The following PRDM5 variants were observed in gnomAD, a reference collection of about 807,000 sequenced individuals.
The protein encoded by PRDM5 is PR/SET domain 5, also known as PR domain zinc finger protein 5.
Under a neutral mutation model 81.2 loss-of-function variants are expected in PRDM5, and 56 were observed. The observed-to-expected ratio is 0.69, with a 90% confidence interval of 0.56 to 0.86. The LOEUF (loss-of-function observed/expected upper bound fraction) is 0.86, where lower values mean the gene tolerates loss of function less well. Ranked by LOEUF, PRDM5 falls within the 40% of genes least tolerant of loss-of-function variation. The pLI, the probability that PRDM5 is intolerant of heterozygous loss-of-function variation, is 0.00. For synonymous variants in PRDM5, 267 were observed against 256.4 expected (o/e 1.04, Z -0.39); for missense variants, 697 against 770.1 (o/e 0.91, Z 1.12).
chr4:120,908,757 A>G (rs969159171), intron 1 of PRDM5, among the ~76,000 whole-genome samples: 1 of 152,212 alleles, frequency 6.6e-6, no homozygotes, highest in African/African-American at 2.4e-5. Context: ...CATAGCAAAG[A>G]AACAGGGAGA....
intron 10 of PRDM5, among the ~76,000 whole-genome samples, chr4:120,794,221 T>C (rs1015808610): frequency 6.6e-6 from 1 of 152,154 alleles, no homozygotes; most frequent in South Asian, 2.1e-4. Flanking sequence ...GCAGCATCAC[T>C]GAAGAGTAAC....
intron 13 of PRDM5, among the ~76,000 whole-genome samples, chr4:120,762,922 G>C (rs1212832295): frequency 3.9e-5 from 6 of 152,124 alleles, no homozygotes; most frequent in Non-Finnish European, 7.4e-5. Flanking sequence ...GAATATTTTA[G>C]AGATCCTCTA....
rs539739466 is a variant in PRDM5 at position 120,798,546 on chromosome 4, A to G, written c.1031-122T>C. The G allele has an allele frequency of 4.6e-5, 37 of 798,214 alleles. 1 individual carries two copies. The African/African-American group carries it at 4.7e-4, about 10-fold the overall frequency. 49.4% of individuals were successfully genotyped at this position (798,214 alleles called of 1,614,324 possible). On this transcript the variant is annotated intron_variant, in intron 9 of 15. Coordinates refer to ENST00000264808, the MANE Select transcript of PRDM5 (RefSeq NM_018699.4). ...AAACTAAAGGATGGTCAAACAACTA[A>G]AAAACATCTACCATCCACATAATAG...
chr4:120,905,768 G>T (rs1765730475), intron 2 of PRDM5, among the ~76,000 whole-genome samples: 1 of 152,004 alleles, frequency 6.6e-6, no homozygotes. Context: ...CTCTATGTGT[G>T]GAAAACTCCA....
chr4:120,838,368 A>G (rs1262292405), intron 3 of PRDM5: 7 of 152,230 alleles, frequency 4.6e-5, no homozygotes. Context: ...TATCATGTAT[A>G]GTGATCAGAT....
chr4:120,913,293 C>T (rs1766725593), intron 1 of PRDM5, among the ~76,000 whole-genome samples: 1 of 152,182 alleles, frequency 6.6e-6, no homozygotes. Flanking sequence ...GAAGCAGCCA[C>T]CTTGAGTCCA....
intron 12 of PRDM5, among the ~76,000 whole-genome samples, 182 bp from the exon 13 acceptor site, chr4:120,777,463 C>T (rs1272008891): frequency 6.6e-6 from 1 of 151,962 alleles, no homozygotes; most frequent in Non-Finnish European, 1.5e-5. Flanking sequence ...AAAAAATGTG[C>T]CTTAGAATCA....
intron 3 of PRDM5, among the ~76,000 whole-genome samples, chr4:120,827,037 T>G (rs1246554066): frequency 6.6e-6 from 1 of 152,178 alleles, no homozygotes; most frequent in Non-Finnish European, 1.5e-5. Flanking sequence ...ATTAGTCAAT[T>G]CAGTCAACAA....
intron 3 of PRDM5, among the ~76,000 whole-genome samples, chr4:120,832,364 A>G (rs1756822003): frequency 6.6e-6 from 1 of 152,090 alleles, no homozygotes; most frequent in Non-Finnish European, 1.5e-5. Context: ...CCATGATTCA[A>G]TTATCTCTAC....
At chr4:120,775,601 G>A (rs560832443) in intron 13 of PRDM5, among the ~76,000 whole-genome samples, 2 of 152,044 alleles carry the variant, frequency 1.3e-5, no homozygotes, top group South Asian at 4.2e-4. Context: ...CATGTCTTGG[G>A]GCATTACCAT....
At chr4:120,735,878 C>T (rs573171359) in intron 14 of PRDM5, among the ~76,000 whole-genome samples, 2 of 152,164 alleles carry the variant, frequency 1.3e-5, no homozygotes, top group East Asian at 1.9e-4. Context: ...GTATGGGGTA[C>T]GAGTGCAATT....
At chr4:120,714,474 C>A (rs187607671) in intron 14 of PRDM5, among the ~76,000 whole-genome samples, 2 of 152,164 alleles carry the variant, frequency 1.3e-5, no homozygotes, top group African/African-American at 2.4e-5. Context: ...ATATTTTTAA[C>A]CTTTAGAAGT....
intron 13 of PRDM5, among the ~76,000 whole-genome samples, chr4:120,774,795 A>G (rs1578681923): frequency 6.6e-6 from 1 of 151,998 alleles, no homozygotes; most frequent in East Asian, 1.9e-4. Context: ...TTAGAAGTAA[A>G]TAACTAGATA....
At chr4:120,785,439 A>G (rs2149250302) in intron 10 of PRDM5, among the ~76,000 whole-genome samples, 1 of 152,198 alleles carries the variant, frequency 6.6e-6, no homozygotes, top group South Asian at 2.1e-4. Context: ...CTCCCCTATC[A>G]CTGGCCAGGC....
At chr4:120,863,462 A>C (rs1045950702) in intron 2 of PRDM5, among the ~76,000 whole-genome samples, 2 of 152,136 alleles carry the variant, frequency 1.3e-5, no homozygotes, top group Admixed American at 1.3e-4. Context: ...TCCAACACAC[A>C]AGGTGAACTT....
At chr4:120,780,864 CCTG>C (rs556441969) in intron 12 of PRDM5, among the ~76,000 whole-genome samples, 296 of 152,182 alleles carry the variant, frequency 1.9e-3, no homozygotes, top group Non-Finnish European at 3.5e-3. Context: ...TTGATAAGCT[CCTG>C]CTCATTGAGT....
chr4:120,862,316 C>T (rs1043301988), intron 2 of PRDM5, among the ~76,000 whole-genome samples: 3 of 152,140 alleles, frequency 2.0e-5, no homozygotes, highest in African/African-American at 7.2e-5. Context: ...TCAATTTATA[C>T]CTTCAGTATG....
intron 1 of PRDM5, among the ~76,000 whole-genome samples, chr4:120,686,291 C>G (rs1733830034): frequency 6.6e-6 from 1 of 152,074 alleles, no homozygotes; most frequent in African/African-American, 2.4e-5. Flanking sequence ...TTTCATTCTT[C>G]TTTCCTTTCT....
intron 2 of PRDM5, among the ~76,000 whole-genome samples, chr4:120,879,795 A>T (rs1762664147): frequency 1.3e-5 from 2 of 152,062 alleles, no homozygotes; most frequent in African/African-American, 4.8e-5. Flanking sequence ...GGATCAATTG[A>T]TTATGAGATT....
Sources: gnomAD v4.1 joint callset for allele counts (sites outside exome capture counted in the v4.1 genomes callset) on GRCh38, gnomAD v4.1.1 for gene constraint, MANE v1.5 for transcripts, NCBI Gene and HGNC (gene_info 2026-07-23, HGNC 2026-07-21) for gene names.